The following ANKRD31 variants were observed in gnomAD, a reference collection of about 807,000 sequenced individuals.
ANKRD31 encodes ankyrin repeat domain-containing protein 31.
In ANKRD31, 147 loss-of-function variants were observed where a neutral mutation model predicts 186.0. The ratio of observed to expected loss-of-function variants is 0.79; its 90% CI spans 0.69 to 0.91. ANKRD31 has a LOEUF of 0.91. Ranked by LOEUF, ANKRD31 falls within the 40% of genes least tolerant of loss-of-function variation. The pLI is 0.00. For synonymous variants in ANKRD31, 673 were observed against 736.4 expected (o/e 0.91, Z 1.39); for missense variants, 1,986 against 2,148.8 (o/e 0.92, Z 1.50).
At chr5:75,140,683 T>C (rs781304051) in intron 15 of ANKRD31, among the ~76,000 whole-genome samples, 1 of 152,224 alleles carries the variant, frequency 6.6e-6, no homozygotes, top group Non-Finnish European at 1.5e-5. Flanking sequence ...ACTTGCTGTA[T>C]TGCCTTCAGC....
intron 17 of ANKRD31, among the ~76,000 whole-genome samples, chr5:75,123,348 T>C (rs1343617975): frequency 6.6e-6 from 1 of 151,936 alleles, no homozygotes; most frequent in Non-Finnish European, 1.5e-5. Flanking sequence ...TTAATATAAT[T>C]AAAATGAGAA....
At chr5:75,190,004 A>ATTT (rs56260923) in intron 9 of ANKRD31, among the ~76,000 whole-genome samples, 51 of 146,492 alleles carry the variant, frequency 3.5e-4, no homozygotes, top group African/African-American at 1.2e-3. Flanking sequence ...TTTGTTTAGA[A>ATTT]TTTTTTTTTT....
intron 4 of ANKRD31, among the ~76,000 whole-genome samples, chr5:75,209,592 G>C (rs1263546588): frequency 6.6e-6 from 1 of 152,022 alleles, no homozygotes; most frequent in Non-Finnish European, 1.5e-5. Context: ...CACAAGAATT[G>C]CTTGAATCTG....
At chr5:75,228,997 C>T (rs888377668) in intron 2 of ANKRD31, among the ~76,000 whole-genome samples, 1 of 151,810 alleles carries the variant, frequency 6.6e-6, no homozygotes, top group African/African-American at 2.4e-5. Flanking sequence ...AGTTAGAAAA[C>T]CTTCGTGGGT....
chr5:75,197,180 G>T (rs78909115), intron 6 of ANKRD31, among the ~76,000 whole-genome samples: 15,881 of 152,178 alleles, frequency 0.1, 845 homozygotes, highest in East Asian at 0.14. Context: ...GGGATTACAC[G>T]CATGAGCCAC....
intron 2 of ANKRD31, among the ~76,000 whole-genome samples, chr5:75,224,411 A>G (rs1348149913): frequency 6.6e-6 from 1 of 151,838 alleles, no homozygotes; most frequent in Non-Finnish European, 1.5e-5. Flanking sequence ...GCTAAGGATG[A>G]TAAAATAATG....
chr5:75,220,430 G>GA (rs944699636), intron 3 of ANKRD31, among the ~76,000 whole-genome samples: 1 of 151,894 alleles, frequency 6.6e-6, no homozygotes, highest in African/African-American at 2.4e-5. Context: ...ACCTGAGGTC[G>GA]AAAGTTCGAG....
At chr5:75,128,848 T>C (rs961583746) in intron 17 of ANKRD31, among the ~76,000 whole-genome samples, 2 of 152,076 alleles carry the variant, frequency 1.3e-5, no homozygotes, top group African/African-American at 4.8e-5. Context: ...TTTCCCTCTA[T>C]AAAAAACCAG....
At chr5:75,082,935 A>G (rs1464551575) in intron 24 of ANKRD31, among the ~76,000 whole-genome samples, 1 of 152,216 alleles carries the variant, frequency 6.6e-6, no homozygotes, top group East Asian at 1.9e-4. Flanking sequence ...TTCAGTTGCT[A>G]TGGAAAACAG....
At chr5:75,080,942 T>C (rs1745035238) in intron 24 of ANKRD31, among the ~76,000 whole-genome samples, 1 of 152,104 alleles carries the variant, frequency 6.6e-6, no homozygotes, top group African/African-American at 2.4e-5. Flanking sequence ...TTAGACTTTC[T>C]GGTCTCTACA....
chr5:75,163,944 G>T (rs1406772728), intron 11 of ANKRD31, among the ~76,000 whole-genome samples: 2 of 152,190 alleles, frequency 1.3e-5, no homozygotes, highest in Admixed American at 6.6e-5. Context: ...CAAAGGTAGA[G>T]CCTAATTTCC....
At chr5:75,089,986 C>T (rs1389064457) in intron 23 of ANKRD31, among the ~76,000 whole-genome samples, 3 of 152,256 alleles carry the variant, frequency 2.0e-5, no homozygotes, top group Middle Eastern at 3.4e-3. Context: ...GAGTCATTAC[C>T]AGGCACACTG....
intron 11 of ANKRD31, among the ~76,000 whole-genome samples, chr5:75,167,759 C>A (rs1480150534): frequency 6.6e-6 from 1 of 151,952 alleles, no homozygotes; most frequent in Non-Finnish European, 1.5e-5. Context: ...GAGCCAAGTT[C>A]GAAGTGGGGC....
chr5:75,157,180 A>C (rs1752239861), intron 11 of ANKRD31, among the ~76,000 whole-genome samples: 1 of 152,168 alleles, frequency 6.6e-6, no homozygotes, highest in Non-Finnish European at 1.5e-5. Context: ...TTGGTGAAAA[A>C]ATGAGCATTA....
chr5:75,144,634 T>G (rs1227119292), intron 14 of ANKRD31, among the ~76,000 whole-genome samples: 1 of 151,984 alleles, frequency 6.6e-6, no homozygotes, highest in Non-Finnish European at 1.5e-5. Flanking sequence ...CCTAAAACCA[T>G]AAAAACCCTA....
At chr5:75,196,254 A>T in intron 6 of ANKRD31, 54 bp from the exon 7 acceptor site, 1 of 1,283,242 alleles carries the variant, frequency 7.8e-7, no homozygotes, top group Non-Finnish European at 1.0e-6. Flanking sequence ...TAAAGTATTT[A>T]AAATGAAAAC....
intron 23 of ANKRD31, among the ~76,000 whole-genome samples, chr5:75,090,896 T>C (rs981727340): frequency 6.6e-6 from 1 of 152,240 alleles, no homozygotes; most frequent in African/African-American, 2.4e-5. Flanking sequence ...ATTAACTAAG[T>C]TACCAATACA....
intron 17 of ANKRD31, among the ~76,000 whole-genome samples, chr5:75,121,814 T>TA (rs1310018542): frequency 1.3e-5 from 2 of 152,070 alleles, no homozygotes; most frequent in Non-Finnish European, 2.9e-5. Context: ...AAAGCAGCGC[T>TA]AAGAGGGAGG....
intron 10 of ANKRD31, among the ~76,000 whole-genome samples, chr5:75,179,627 C>A (rs1050578545): frequency 6.6e-6 from 1 of 152,146 alleles, no homozygotes; most frequent in Non-Finnish European, 1.5e-5. Flanking sequence ...GAACCAAAGA[C>A]AAAAACCACG....
Sources: gnomAD v4.1 joint callset for allele counts (sites outside exome capture counted in the v4.1 genomes callset) on GRCh38, gnomAD v4.1.1 for gene constraint, MANE v1.5 for transcripts, NCBI Gene and HGNC (gene_info 2026-07-23, HGNC 2026-07-21) for gene names.